Variants in PCDH9 observed in about 807,000 individuals in gnomAD.
The protein encoded by PCDH9 is protocadherin 9.
Under a neutral mutation model 70.6 loss-of-function variants are expected in PCDH9, and 24 were observed. The observed-to-expected ratio is 0.34, with a 90% CI of 0.25 to 0.48. PCDH9 has a LOEUF of 0.48. Ranked by LOEUF, PCDH9 falls within the 20% of genes least tolerant of loss-of-function variation. The pLI is 0.99. For synonymous variants in PCDH9, 562 were observed against 558.5 expected (o/e 1.01, Z -0.09); for missense variants, 1,281 against 1,503.6 (o/e 0.85, Z 2.45).
chr13:66,461,874 T>C (rs1958431092), intron 4 of PCDH9, among the ~76,000 whole-genome samples: 1 of 151,828 alleles, frequency 6.6e-6, no homozygotes, highest in Non-Finnish European at 1.5e-5. Flanking sequence ...TTATTATCTA[T>C]CATACAAATG....
chr13:66,892,232 ATG>A (rs146383809), intron 3 of PCDH9, among the ~76,000 whole-genome samples: 5,157 of 147,858 alleles, frequency 0.035, 284 homozygotes, highest in African/African-American at 0.12. Flanking sequence ...TATATATATA[ATG>A]TGTGTGTGTA....
chr13:67,023,652 C>T (rs1007872036), intron 2 of PCDH9, among the ~76,000 whole-genome samples: 1 of 152,116 alleles, frequency 6.6e-6, no homozygotes, highest in African/African-American at 2.4e-5. Flanking sequence ...GGAATCAACA[C>T]GTATTCCTGG....
At chr13:66,846,660 T>G (rs2081215672) in intron 3 of PCDH9, among the ~76,000 whole-genome samples, 1 of 152,158 alleles carries the variant, frequency 6.6e-6, no homozygotes, top group Admixed American at 6.5e-5. Context: ...TTATTCACTG[T>G]ATTAAGCTAG....
At chr13:66,552,704 G>A (rs897680264) in intron 4 of PCDH9, among the ~76,000 whole-genome samples, 1 of 152,080 alleles carries the variant, frequency 6.6e-6, no homozygotes, top group African/African-American at 2.4e-5. Flanking sequence ...TCAACATAAT[G>A]TGTTTGATAA....
chr13:66,999,998 C>T (rs1566353105), intron 2 of PCDH9, among the ~76,000 whole-genome samples: 3 of 152,100 alleles, frequency 2.0e-5, no homozygotes, highest in African/African-American at 2.4e-5. Flanking sequence ...ACCCAAAGGG[C>T]TATAAATCAT....
intron 4 of PCDH9, among the ~76,000 whole-genome samples, chr13:66,390,889 T>C (rs59264315): frequency 0.015 from 2,225 of 152,302 alleles, 64 homozygotes; most frequent in African/African-American, 0.05. Context: ...AATCCGTTGA[T>C]ATAGAGTAGA....
intron 2 of PCDH9, among the ~76,000 whole-genome samples, chr13:67,169,805 G>C (rs918905750): frequency 1.3e-5 from 2 of 152,124 alleles, no homozygotes; most frequent in Non-Finnish European, 2.9e-5. Flanking sequence ...TTTTAGCCCT[G>C]ATTTTACTCT....
chr13:66,753,135 T>C (rs1314470146), intron 3 of PCDH9, among the ~76,000 whole-genome samples: 1 of 152,216 alleles, frequency 6.6e-6, no homozygotes, highest in East Asian at 1.9e-4. Flanking sequence ...TATCCTAATC[T>C]ATTGAAATAA....
intron 3 of PCDH9, among the ~76,000 whole-genome samples, chr13:66,847,201 G>A (rs958649063): frequency 6.6e-6 from 1 of 152,224 alleles, no homozygotes; most frequent in East Asian, 1.9e-4. Flanking sequence ...TTCATGTAAA[G>A]CATTCAAGTT....
intron 2 of PCDH9, among the ~76,000 whole-genome samples, chr13:66,983,024 C>A (rs566033990): frequency 6.6e-6 from 1 of 152,166 alleles, no homozygotes; most frequent in Non-Finnish European, 1.5e-5. Flanking sequence ...TATAAAAGTT[C>A]TGAGAAATGG....
intron 2 of PCDH9, among the ~76,000 whole-genome samples, chr13:66,981,167 G>A (rs1476950218): frequency 6.6e-6 from 1 of 152,064 alleles, no homozygotes; most frequent in East Asian, 1.9e-4. Context: ...GGCCGGTCGC[G>A]GTGGCTCACG....
At chr13:66,355,098 A>G (rs983120132) in intron 4 of PCDH9, among the ~76,000 whole-genome samples, 3 of 152,046 alleles carry the variant, frequency 2.0e-5, no homozygotes, top group Non-Finnish European at 4.4e-5. Flanking sequence ...AAGTTTTCCC[A>G]ATTCAGCCTA....
At chr13:66,712,418 A>G (rs902677644) in intron 3 of PCDH9, among the ~76,000 whole-genome samples, 3 of 152,182 alleles carry the variant, frequency 2.0e-5, no homozygotes, top group African/African-American at 7.2e-5. Context: ...GCCTGAATTT[A>G]GAGTATTTAT....
chr13:66,507,382 T>A (rs1311532317), intron 4 of PCDH9, among the ~76,000 whole-genome samples: 1 of 152,192 alleles, frequency 6.6e-6, no homozygotes, highest in Non-Finnish European at 1.5e-5. Context: ...AATCACAAAA[T>A]AATAATTTAT....
intron 3 of PCDH9, among the ~76,000 whole-genome samples, chr13:66,667,202 GA>G (rs1239103019): frequency 2.4e-4 from 36 of 152,096 alleles, no homozygotes; most frequent in Non-Finnish European, 1.5e-5. Flanking sequence ...GAGGATTGTG[GA>G]AAAAGAAAGG....
chr13:66,739,411 G>A (rs1479415413), intron 3 of PCDH9, among the ~76,000 whole-genome samples: 4 of 151,300 alleles, frequency 2.6e-5, no homozygotes, highest in Admixed American at 6.6e-5. Context: ...AGACCATAGA[G>A]ACTAGGAAGA....
At chr13:66,575,635 C>T (rs2076804011) in intron 4 of PCDH9, among the ~76,000 whole-genome samples, 1 of 152,114 alleles carries the variant, frequency 6.6e-6, no homozygotes, top group African/African-American at 2.4e-5. Context: ...CTTCTTCTCA[C>T]TGTGTGGTAT....
chr13:66,770,833 G>A lies in PCDH9; in HGVS notation c.3138+132671C>T, dbSNP rs559627134. Among the ~76,000 whole-genome samples, 423 of 152,240 alleles carry A rather than the reference G, an allele frequency of 2.8e-3. 2 individuals carry two copies. Among genetic ancestry groups the A allele is most frequent in the African/African-American group, 9.8e-3 (406 of 41,528 alleles). ...TCTCTTCAAGACTATTCTGAACACT[G>A]AAGCGAGAGAAGCATTTCAAAAACA... On this transcript the variant is annotated intron_variant, in intron 3 of 4. Coordinates refer to ENST00000377865, the MANE Select transcript of PCDH9 (RefSeq NM_203487.3).
intron 3 of PCDH9, among the ~76,000 whole-genome samples, chr13:66,872,037 G>A (rs201290000): frequency 1.2e-3 from 57 of 47,868 alleles, no homozygotes; most frequent in African/African-American, 6.3e-3. Flanking sequence ...TTAACATGTC[G>A]TCTACTACTA....
Sources: gnomAD v4.1 joint callset for allele counts (sites outside exome capture counted in the v4.1 genomes callset) on GRCh38, gnomAD v4.1.1 for gene constraint, MANE v1.5 for transcripts, NCBI Gene and HGNC (gene_info 2026-07-23, HGNC 2026-07-21) for gene names.